MTUS2: variants seen among roughly 807,000 people sequenced by gnomAD.
MTUS2 encodes microtubule associated scaffold protein 2, also known as microtubule-associated tumor suppressor candidate 2.
In MTUS2, 40 loss-of-function variants were observed where a neutral mutation model predicts 114.1. The ratio of observed to expected loss-of-function variants is 0.35; its 90% confidence interval spans 0.27 to 0.46. The LOEUF is 0.46. MTUS2 is among the 20% of genes least tolerant of loss of function. MTUS2 has a pLI of 1.00. For synonymous variants in MTUS2, 688 were observed against 672.0 expected, an observed-to-expected ratio of 1.02 and a Z score of -0.37; for missense variants, 1,679 against 1,705.4, an observed-to-expected ratio of 0.98 and a Z score of 0.27.
rs567490426 is a variant in MTUS2 at position 29,302,167 on chromosome 13, C to T, written c.2806+20302C>T. Among the ~76,000 whole-genome samples, 6 of 152,344 alleles carry T rather than the reference C, an allele frequency of 3.9e-5. No homozygotes were observed. In the South Asian group the frequency reaches 1.2e-3, roughly 32 times the overall value. ...CACCTTCAATTGAAATATCCAGATT[C>T]TCACAATGGGACTGACTAGGCAAAC... On this transcript the variant is annotated intron_variant, in intron 6 of 15. Coordinates refer to ENST00000612955, the MANE Select transcript of MTUS2 (RefSeq NM_001033602.4).
chr13:28,908,367 C>T (rs1208762751), intron 2 of MTUS2, among the ~76,000 whole-genome samples: 1 of 151,484 alleles, frequency 6.6e-6, no homozygotes, highest in Non-Finnish European at 1.5e-5. Context: ...GTTTAATTCC[C>T]ACCTATGAGT....
intron 2 of MTUS2, among the ~76,000 whole-genome samples, chr13:29,013,106 C>T (rs2138428814): frequency 6.6e-6 from 1 of 152,290 alleles, no homozygotes; most frequent in Non-Finnish European, 1.5e-5. Context: ...AGTTGAAATG[C>T]CTATAGGAAA....
At chr13:28,903,396 A>G (rs1384442735) in intron 2 of MTUS2, among the ~76,000 whole-genome samples, 1 of 142,304 alleles carries the variant, frequency 7.0e-6, no homozygotes, top group Non-Finnish European at 1.5e-5. Flanking sequence ...TATATCTCCT[A>G]ATGCTATCCC....
intron 7 of MTUS2, among the ~76,000 whole-genome samples, chr13:29,350,032 A>C (rs1869088841): frequency 6.6e-6 from 1 of 152,112 alleles, no homozygotes; most frequent in South Asian, 2.1e-4. Context: ...GCTCCTGTTC[A>C]AAGTGATATT....
chr13:29,498,364 A>T, intron 13 of MTUS2, 54 bp from the exon 14 acceptor site: 1 of 1,609,794 alleles, frequency 6.2e-7, no homozygotes, highest in Non-Finnish European at 8.5e-7. Context: ...ATTGGTTAAT[A>T]CTGGGTTTTG....
intron 4 of MTUS2, among the ~76,000 whole-genome samples, chr13:29,051,320 G>C (rs115843507): frequency 6.6e-6 from 1 of 152,148 alleles, no homozygotes; most frequent in African/African-American, 2.4e-5. Context: ...GAAGGATGGT[G>C]ATGTTATTTA....
At chr13:29,451,391 AAC>A (rs1878671315) in intron 9 of MTUS2, among the ~76,000 whole-genome samples, 1 of 152,210 alleles carries the variant, frequency 6.6e-6, no homozygotes, top group Non-Finnish European at 1.5e-5. Context: ...ATTAAATAAA[AAC>A]ACAACATATC....
intron 5 of MTUS2, among the ~76,000 whole-genome samples, chr13:29,158,358 C>CCCCCCCTTTTTTTTT: frequency 3.1e-5 from 1 of 32,050 alleles, no homozygotes; most frequent in Non-Finnish European, 5.1e-5. Flanking sequence ...GTCCACCCCG[C>CCCCCCCTTTTTTTTT]TTTTTTTTTT....
intron 10 of MTUS2, among the ~76,000 whole-genome samples, chr13:29,481,787 C>G (rs1435629529): frequency 6.6e-6 from 1 of 152,150 alleles, no homozygotes. Context: ...AGTCATTCTT[C>G]TTTCCTAGAG....
At chr13:29,352,302 C>T (rs1869359131) in intron 7 of MTUS2, among the ~76,000 whole-genome samples, 1 of 152,172 alleles carries the variant, frequency 6.6e-6, no homozygotes, top group African/African-American at 2.4e-5. Flanking sequence ...ACCAACACGT[C>T]AGAGCTCTCA....
intron 2 of MTUS2, among the ~76,000 whole-genome samples, chr13:28,972,052 A>G (rs747442391): frequency 1.6e-4 from 24 of 152,246 alleles, no homozygotes; most frequent in Non-Finnish European, 2.6e-4. Context: ...TTCACAAGAT[A>G]TAGATGGCAT....
intron 2 of MTUS2, among the ~76,000 whole-genome samples, chr13:28,884,540 G>C (rs1485451891): frequency 6.6e-6 from 1 of 152,006 alleles, no homozygotes; most frequent in African/African-American, 2.4e-5. Context: ...TTAATTTTAA[G>C]AGTATTTTAC....
intron 6 of MTUS2, among the ~76,000 whole-genome samples, chr13:29,294,939 G>A (rs999017646): frequency 6.6e-5 from 10 of 152,218 alleles, no homozygotes; most frequent in African/African-American, 2.4e-4. Flanking sequence ...CCAGTGGCCA[G>A]TCATGAAACA....
chr13:29,140,500 A>C (rs1423040338), intron 5 of MTUS2, among the ~76,000 whole-genome samples: 1 of 152,184 alleles, frequency 6.6e-6, no homozygotes, highest in Non-Finnish European at 1.5e-5. Context: ...TAAATGCCGC[A>C]GTTATTTCTG....
chr13:29,307,803 C>A (rs1164586019), intron 6 of MTUS2: 2 of 906,890 alleles, frequency 2.2e-6, no homozygotes, highest in Non-Finnish European at 3.6e-6. Context: ...AGACCACCAG[C>A]CCCAGTGAGA....
intron 6 of MTUS2, among the ~76,000 whole-genome samples, chr13:29,296,632 G>A (rs1046349530): frequency 6.6e-6 from 1 of 152,050 alleles, no homozygotes; most frequent in Non-Finnish European, 1.5e-5. Flanking sequence ...TCTTTTTGAT[G>A]ATGACCATTT....
At chr13:29,156,674 TG>T (rs1216233536) in intron 5 of MTUS2, among the ~76,000 whole-genome samples, 1 of 152,190 alleles carries the variant, frequency 6.6e-6, no homozygotes, top group Non-Finnish European at 1.5e-5. Context: ...ATGGTGTAAG[TG>T]GCAAGTCTCA....
At chr13:29,384,615 C>G (rs1411781367) in intron 8 of MTUS2, among the ~76,000 whole-genome samples, 1 of 152,216 alleles carries the variant, frequency 6.6e-6, no homozygotes. Context: ...GGACCGTGTT[C>G]TGTGTGGTTT....
intron 7 of MTUS2, among the ~76,000 whole-genome samples, chr13:29,334,645 A>G (rs1165574570): frequency 1.3e-5 from 2 of 151,892 alleles, no homozygotes; most frequent in African/African-American, 4.8e-5. Context: ...TTTTTCCTTC[A>G]TTTCAACCTT....
Sources: gnomAD v4.1 joint callset for allele counts (sites outside exome capture counted in the v4.1 genomes callset) on GRCh38, gnomAD v4.1.1 for gene constraint, MANE v1.5 for transcripts, NCBI Gene and HGNC (gene_info 2026-07-23, HGNC 2026-07-21) for gene names.